The following ARL15 variants were observed in gnomAD, a reference collection of about 807,000 sequenced individuals.
The protein encoded by ARL15 is ADP-ribosylation factor-like protein 15.
In ARL15, 19 loss-of-function variants were observed where a neutral mutation model predicts 25.2. The ratio of observed to expected loss-of-function variants is 0.75; its 90% CI spans 0.53 to 1.10. The LOEUF is 1.10. Among genes scored for constraint, ARL15 ranks in the 50% least tolerant of loss-of-function variants. The probability of loss-of-function intolerance (pLI) is 0.00; values close to 1 mark genes in which losing one functional copy is unlikely to be tolerated. For synonymous variants in ARL15, 94 were observed against 86.8 expected (o/e 1.08, Z -0.46); for missense variants, 220 against 246.0 (o/e 0.89, Z 0.71).
intron 4 of ARL15, among the ~76,000 whole-genome samples, chr5:53,934,249 G>A (rs1387606989): frequency 6.6e-6 from 1 of 152,126 alleles, no homozygotes; most frequent in African/African-American, 2.4e-5. Flanking sequence ...CTTGGAGGTA[G>A]ACATATCCAC....
chr5:54,058,992 T>C (rs1750975478), intron 4 of ARL15, among the ~76,000 whole-genome samples: 1 of 152,216 alleles, frequency 6.6e-6, no homozygotes, highest in African/African-American at 2.4e-5. Context: ...TAATTTTAAT[T>C]GCACAACCTT....
chr5:53,920,035 G>A (rs1745794877), intron 4 of ARL15, among the ~76,000 whole-genome samples: 1 of 152,028 alleles, frequency 6.6e-6, no homozygotes, highest in Non-Finnish European at 1.5e-5. Context: ...GCCCAGAGTA[G>A]GTGCTCAAAA....
At chr5:54,056,068 G>A (rs1228754084) in intron 4 of ARL15, among the ~76,000 whole-genome samples, 1 of 152,116 alleles carries the variant, frequency 6.6e-6, no homozygotes, top group African/African-American at 2.4e-5. Flanking sequence ...TATGCATACT[G>A]TAGAAAGTGT....
chr5:54,096,336 A>G (rs1310418119), intron 4 of ARL15, among the ~76,000 whole-genome samples: 2 of 152,232 alleles, frequency 1.3e-5, no homozygotes, highest in African/African-American at 2.4e-5. Flanking sequence ...GTGGCACACA[A>G]TAAGTGTGCA....
At chr5:54,203,376 C>T (rs1380031396) in intron 1 of ARL15, among the ~76,000 whole-genome samples, 1 of 152,140 alleles carries the variant, frequency 6.6e-6, no homozygotes, top group African/African-American at 2.4e-5. Flanking sequence ...CCAAGAATAT[C>T]GACTTTTTTA....
intron 4 of ARL15, among the ~76,000 whole-genome samples, chr5:53,924,704 T>A (rs1745964819): frequency 6.6e-6 from 1 of 152,220 alleles, no homozygotes; most frequent in Non-Finnish European, 1.5e-5. Context: ...CTCCCAACTC[T>A]GGACAGCAAC....
At chr5:53,929,520 A>G (rs1293255023) in intron 4 of ARL15, among the ~76,000 whole-genome samples, 2 of 152,236 alleles carry the variant, frequency 1.3e-5, no homozygotes, top group African/African-American at 2.4e-5. Flanking sequence ...ACATATTTTT[A>G]CCAATGAACT....
chr5:54,287,204 A>C (rs977258241), intron 1 of ARL15, among the ~76,000 whole-genome samples: 5 of 152,054 alleles, frequency 3.3e-5, no homozygotes, highest in Non-Finnish European at 7.4e-5. Context: ...TGTGGCAAGC[A>C]CTTCTAGGTA....
intron 1 of ARL15, among the ~76,000 whole-genome samples, chr5:54,261,567 G>A (rs1048449551): frequency 6.6e-6 from 1 of 151,928 alleles, no homozygotes; most frequent in Admixed American, 6.6e-5. Context: ...AAAAAAAAGA[G>A]AGAACTTCAG....
At chr5:54,052,964 G>GA (rs1255352447) in intron 4 of ARL15, among the ~76,000 whole-genome samples, 2 of 151,624 alleles carry the variant, frequency 1.3e-5, no homozygotes, top group Non-Finnish European at 2.9e-5. Flanking sequence ...AGTGCCAAAA[G>GA]AAAAAAAATC....
intron 4 of ARL15, among the ~76,000 whole-genome samples, chr5:54,003,360 A>C (rs1003664637): frequency 1.3e-5 from 2 of 152,236 alleles, no homozygotes; most frequent in African/African-American, 4.8e-5. Context: ...ACATGGCTAC[A>C]TACCACAATC....
In ARL15 at chr5:54,065,266, T is replaced by C. The variant is rs534903769; in HGVS notation, c.462+47936A>G. ...AGTAATAATTTGTCATTAATGCATATATATTAATCTGGCATCTTTCACATA... is the reference window on the plus strand; with the variant it reads ...AGTAATAATTTGTCATTAATGCATACATATTAATCTGGCATCTTTCACATA... On this transcript the variant is annotated intron_variant, in intron 4 of 4. Coordinates refer to ENST00000504924, the MANE Select transcript of ARL15 (RefSeq NM_019087.3). Among the ~76,000 whole-genome samples, 22 of 152,316 alleles carry C rather than the reference T, an allele frequency of 1.4e-4. No individual in the cohort carries two copies. In the East Asian group the frequency reaches 3.7e-3, roughly 25 times the overall value.
chr5:54,205,289 T>G (rs1755836798), intron 1 of ARL15, among the ~76,000 whole-genome samples: 1 of 152,184 alleles, frequency 6.6e-6, no homozygotes, highest in South Asian at 2.1e-4. Flanking sequence ...TAAAGGCATC[T>G]GCTCAGAGAT....
chr5:54,199,902 C>A, intron 1 of ARL15, among the ~76,000 whole-genome samples: 1 of 112,890 alleles, frequency 8.9e-6, no homozygotes, highest in Non-Finnish European at 1.9e-5. Flanking sequence ...CCCAAATGTC[C>A]AACAATGATA....
chr5:54,004,067 C>A (rs1029148081), intron 4 of ARL15, among the ~76,000 whole-genome samples: 1 of 152,190 alleles, frequency 6.6e-6, no homozygotes, highest in Non-Finnish European at 1.5e-5. Flanking sequence ...GGAAACTTTC[C>A]TTCAGTAACC....
chr5:53,930,922 C>T (rs1468476637), intron 4 of ARL15, among the ~76,000 whole-genome samples: 1 of 152,128 alleles, frequency 6.6e-6, no homozygotes, highest in African/African-American at 2.4e-5. Context: ...AGTAGATTCA[C>T]TTTCCATGAT....
At chr5:54,084,694 T>G (rs1344686301) in intron 4 of ARL15, among the ~76,000 whole-genome samples, 1 of 152,100 alleles carries the variant, frequency 6.6e-6, no homozygotes, top group East Asian at 1.9e-4. Context: ...GGGGTAGGGT[T>G]GGGTATTCTC....
intron 1 of ARL15, among the ~76,000 whole-genome samples, chr5:54,200,758 G>A (rs1755699850): frequency 1.3e-5 from 2 of 152,044 alleles, no homozygotes; most frequent in African/African-American, 2.4e-5. Context: ...ATTTCACCCT[G>A]GCAATAAGCA....
rs142895367 is a variant in ARL15, at chr5:54,149,864, A to G, written c.253+4716T>C. Among the ~76,000 whole-genome samples the G allele has an allele frequency of 1.6e-3, 248 of 152,366 alleles. 2 individuals are homozygous for G. Among genetic ancestry groups the G allele is most frequent in the Admixed American group, 8.0e-3 (123 of 15,300 alleles). ...AACTAAAAGAGAAGGAATTGAGATT[A>G]GCTTCACCAAAAACCTCCTGGATAA... On this transcript the variant is annotated intron_variant, in intron 3 of 4. Coordinates refer to ENST00000504924, the MANE Select transcript of ARL15 (RefSeq NM_019087.3).
Sources: gnomAD v4.1 joint callset for allele counts (sites outside exome capture counted in the v4.1 genomes callset) on GRCh38, gnomAD v4.1.1 for gene constraint, MANE v1.5 for transcripts, NCBI Gene and HGNC (gene_info 2026-07-23, HGNC 2026-07-21) for gene names.